Variants in FAM174B observed in about 807,000 individuals in gnomAD.
FAM174B encodes the protein membrane protein FAM174B.
A neutral mutation model predicts 10.9 loss-of-function variants in FAM174B; 12 were observed. That is an observed-to-expected ratio of 1.10 (90% CI 0.71 to 1.79). The LOEUF is 1.79. Among genes scored for constraint, FAM174B ranks in the 40% most tolerant of loss-of-function variants. The pLI is 0.00. For synonymous variants in FAM174B, 132 were observed against 115.8 expected (o/e 1.14, Z -0.90); for missense variants, 266 against 233.3 (o/e 1.14, Z -0.91).
In FAM174B at chr15:92,617,714, C is replaced by T. The variant is rs1162901230; in HGVS notation, c.*1742G>A. On this transcript the variant is annotated 3_prime_UTR_variant, in exon 3 of 3. Coordinates refer to ENST00000327355, the MANE Select transcript of FAM174B (RefSeq NM_207446.3). Reference sequence around the variant, plus strand: ...GCGAGGTGGCCAGGCTCCCGTGAGTCACCACTCAGGCCTGAGTACACCGTG... The same window carrying T: ...GCGAGGTGGCCAGGCTCCCGTGAGTTACCACTCAGGCCTGAGTACACCGTG... The T allele has an allele frequency of 1.5e-6, 1 of 682,510 alleles. No homozygotes were observed. The allele number at this position is 682,510 out of a possible 1,614,324, so 42.3% of individuals were successfully genotyped here.
At position 92,655,743 on chromosome 15, in the gene FAM174B, G is replaced by C; in HGVS notation, c.-84C>G. The C allele has an allele frequency of 8.8e-7, 1 of 1,132,832 alleles. No individual in the cohort carries two copies. Among genetic ancestry groups the C allele is most frequent in the Non-Finnish European group, 1.1e-6 (1 of 910,072 alleles). The allele number at this position is 1,132,832 out of a possible 1,614,324, so 70.2% of individuals were successfully genotyped here. ...CACCAGCACGGAGGCCTGCACCGGG[G>C]GATCCTGCGGCGGAGGCGGCTGCGC... On this transcript the variant is annotated 5_prime_UTR_variant, in exon 1 of 3. Coordinates refer to ENST00000327355, the MANE Select transcript of FAM174B (RefSeq NM_207446.3).
chr15:92,623,905 T>C (rs977729852), intron 2 of FAM174B, among the ~76,000 whole-genome samples: 7 of 152,244 alleles, frequency 4.6e-5, no homozygotes, highest in African/African-American at 1.7e-4. Context: ...AAAGCATTGA[T>C]ACTTAGGATG....
At chr15:92,639,348 A>G (rs2050875716) in intron 1 of FAM174B, 1 of 152,226 alleles carries the variant, frequency 6.6e-6, no homozygotes, top group South Asian at 2.1e-4. Context: ...CAATCTCATA[A>G]AGATTTCAAG....
chr15:92,624,954 G>A (rs60418494), intron 2 of FAM174B, among the ~76,000 whole-genome samples: 20,559 of 152,236 alleles, frequency 0.14, 1,751 homozygotes, highest in East Asian at 0.23. Flanking sequence ...AACCGGGAAT[G>A]CAAAGAGGCC....
In FAM174B at chr15:92,619,399, C is replaced by T; in HGVS notation, c.*57G>A. 7 of 1,611,306 alleles carry T rather than the reference C, an allele frequency of 4.3e-6. No homozygotes were observed. The highest frequency in any genetic ancestry group is 5.9e-6 in the Non-Finnish European group (7 of 1,177,540). On this transcript the variant is annotated 3_prime_UTR_variant, in exon 3 of 3. Transcript: ENST00000327355. The stretch of plus-strand genomic sequence containing the variant: ...GGGCTTCCAGGTCCAGTCCTTCACA[C>T]CCCAGGTTGCAGCTGACCAACTTTC...
chr15:92,624,927 C>T (rs923924497), intron 2 of FAM174B, among the ~76,000 whole-genome samples: 2 of 152,152 alleles, frequency 1.3e-5, no homozygotes, highest in African/African-American at 4.8e-5. Context: ...GAGGGTGTAA[C>T]AAAGTCTTCT....
intron 1 of FAM174B, among the ~76,000 whole-genome samples, chr15:92,643,343 A>AATGTGTGTGT (rs1555421979): frequency 1.1e-4 from 2 of 17,886 alleles, no homozygotes; most frequent in Non-Finnish European, 5.1e-4. Flanking sequence ...ATAGGGAAGG[A>AATGTGTGTGT]ATGTGTGTGT....
chr15:92,644,237 G>A (rs2050911069), intron 1 of FAM174B, among the ~76,000 whole-genome samples: 1 of 151,986 alleles, frequency 6.6e-6, no homozygotes, highest in Admixed American at 6.6e-5. Context: ...ACCATGGCCT[G>A]CCACCAAGAC....
intron 1 of FAM174B, among the ~76,000 whole-genome samples, chr15:92,634,985 G>A (rs285755): frequency 3.3e-5 from 5 of 151,934 alleles, no homozygotes; most frequent in East Asian, 3.8e-4. Flanking sequence ...CAGCTTGTCC[G>A]CATTTAGGCT....
In FAM174B at chr15:92,619,018, C is replaced by CTCGGTGGT; in HGVS notation, c.*437_*438insACCACCGA. The stretch of plus-strand genomic sequence containing the variant: ...ATCAGATGGGGTCCAATGTGTAGAT[C>CTCGGTGGT]CAGTAGAGAAGAATGTCGGAAATTC... On this transcript the variant is annotated 3_prime_UTR_variant, in exon 3 of 3. Coordinates refer to ENST00000327355, the MANE Select transcript of FAM174B (RefSeq NM_207446.3). 1.7e-6 allele frequency: 1 copy of CTCGGTGGT among 595,238 alleles called. No individual in the cohort carries two copies. The allele number at this position is 595,238 out of a possible 1,614,324, so 36.9% of individuals were successfully genotyped here.
intron 2 of FAM174B, among the ~76,000 whole-genome samples, chr15:92,623,950 TCTTTTC>T (rs2050736558): frequency 6.6e-6 from 1 of 152,224 alleles, no homozygotes; most frequent in Non-Finnish European, 1.5e-5. Context: ...CTTCCTTCCC[TCTTTTC>T]TTTTTCTTTC....
chr15:92,631,427 A>AAT lies in FAM174B; in HGVS notation c.345-1084_345-1083dup, dbSNP rs1555421169. On this transcript the variant is annotated intron_variant, in intron 1 of 2. Coordinates refer to ENST00000327355, the MANE Select transcript of FAM174B (RefSeq NM_207446.3). ...ATATTATATATAATATATAATATAT[A>AAT]ATATAATATATTATATATATAACAT... Among the ~76,000 whole-genome samples the AAT allele has an allele frequency of 1.3e-3, 58 of 45,340 alleles. 1 individual carries two copies. Among genetic ancestry groups the AAT allele is most frequent in the African/African-American group, 5.8e-3 (49 of 8,410 alleles). 29.7% of individuals were successfully genotyped at this position (45,340 alleles called of 152,430 possible).
intron 1 of FAM174B, among the ~76,000 whole-genome samples, chr15:92,651,988 A>G (rs2050969500): frequency 6.6e-6 from 1 of 152,204 alleles, no homozygotes; most frequent in South Asian, 2.1e-4. Flanking sequence ...CATACTTACT[A>G]CACTCTCCTT....
At chr15:92,624,796 G>T (rs965407330) in intron 2 of FAM174B, among the ~76,000 whole-genome samples, 10 of 152,252 alleles carry the variant, frequency 6.6e-5, no homozygotes, top group Non-Finnish European at 1.2e-4. Flanking sequence ...AGGCAGGGCT[G>T]GCAGGAGCAG....
At chr15:92,640,526 T>C (rs1243025509) in intron 1 of FAM174B, among the ~76,000 whole-genome samples, 2 of 107,030 alleles carry the variant, frequency 1.9e-5, no homozygotes, top group African/African-American at 7.2e-5. Context: ...CACTACAGCC[T>C]GGATGACAAA....
chr15:92,632,672 G>A (rs1452714913), intron 1 of FAM174B, among the ~76,000 whole-genome samples: 1 of 148,996 alleles, frequency 6.7e-6, no homozygotes, highest in Non-Finnish European at 1.5e-5. Flanking sequence ...ACCACAACCT[G>A]GCTGGGTTGT....
chr15:92,641,905 A>C (rs1206862593), intron 1 of FAM174B, among the ~76,000 whole-genome samples: 2 of 152,260 alleles, frequency 1.3e-5, no homozygotes, highest in African/African-American at 2.4e-5. Flanking sequence ...AATCACTTGC[A>C]AACTATACAT....
intron 2 of FAM174B, among the ~76,000 whole-genome samples, chr15:92,622,353 A>G (rs2050725347): frequency 1.3e-5 from 2 of 152,236 alleles, no homozygotes; most frequent in Admixed American, 1.3e-4. Flanking sequence ...TGCCCAGGTC[A>G]GGCCTGGACA....
At chr15:92,631,400 T>TTATATATAATATATTA (rs1555421158) in intron 1 of FAM174B, among the ~76,000 whole-genome samples, 1 of 31,438 alleles carries the variant, frequency 3.2e-5, no homozygotes, top group Non-Finnish European at 5.1e-5. Flanking sequence ...ATATATTATA[T>TTATATATAATATATTA]TATATTATAT....
Sources: gnomAD v4.1 joint callset for allele counts (sites outside exome capture counted in the v4.1 genomes callset) on GRCh38, gnomAD v4.1.1 for gene constraint, MANE v1.5 for transcripts, NCBI Gene and HGNC (gene_info 2026-07-23, HGNC 2026-07-21) for gene names.